CRTC3: variants seen among roughly 807,000 people sequenced by gnomAD.
CRTC3 encodes CREB-regulated transcription coactivator 3.
CRTC3 carries 26 observed loss-of-function variants against 74.5 expected under a neutral mutation model. That is an observed-to-expected ratio of 0.35 (90% CI 0.26 to 0.48). The LOEUF (loss-of-function observed/expected upper bound fraction) is 0.48, where lower values mean the gene tolerates loss of function less well. Among genes scored for constraint, CRTC3 ranks in the 20% least tolerant of loss-of-function variants. The pLI is 0.99. For missense variants in CRTC3, 760 were observed against 787.3 expected, an observed-to-expected ratio of 0.97 and a Z score of 0.41; for synonymous variants, 377 against 325.8, an observed-to-expected ratio of 1.16 and a Z score of -1.69.
intron 2 of CRTC3, among the ~76,000 whole-genome samples, chr15:90,587,145 G>A (rs1184919359): frequency 1.3e-5 from 2 of 152,174 alleles, no homozygotes; most frequent in Non-Finnish European, 2.9e-5. Context: ...CCTAGGTGAC[G>A]AAATCTAGTT....
At chr15:90,638,284 A>T (rs912842871) in intron 11 of CRTC3, 162 bp from the exon 12 acceptor site, 20 of 593,764 alleles carry the variant, frequency 3.4e-5, no homozygotes, top group Non-Finnish European at 5.7e-5. Flanking sequence ...AAAATTTGAG[A>T]TATACTTTGA....
At chr15:90,574,861 A>C (rs929788140) in intron 2 of CRTC3, among the ~76,000 whole-genome samples, 2 of 152,174 alleles carry the variant, frequency 1.3e-5, no homozygotes, top group Admixed American at 6.5e-5. Flanking sequence ...CAATCTGTTC[A>C]TATCTTTTGC....
chr15:90,627,988 C>CGG (rs1968900896), intron 10 of CRTC3, among the ~76,000 whole-genome samples: 2 of 149,722 alleles, frequency 1.3e-5, no homozygotes, highest in Admixed American at 6.6e-5. Context: ...GAGGCCGAGG[C>CGG]GAGTGGATCA....
chr15:90,546,866 A>G (rs879794004), intron 2 of CRTC3, among the ~76,000 whole-genome samples: 21 of 151,890 alleles, frequency 1.4e-4, no homozygotes, highest in African/African-American at 4.1e-4. Flanking sequence ...CTCGTGATCC[A>G]CCCGCCTCGG....
intron 1 of CRTC3, among the ~76,000 whole-genome samples, chr15:90,535,024 GGTGGCGA>G (rs1966694322): frequency 6.6e-6 from 1 of 152,094 alleles, no homozygotes; most frequent in Admixed American, 6.5e-5. Flanking sequence ...AGCCAGGCAT[GGTGGCGA>G]GTGCCTGTAA....
chr15:90,601,950 C>T (rs1488323488), intron 3 of CRTC3, among the ~76,000 whole-genome samples: 1 of 152,134 alleles, frequency 6.6e-6, no homozygotes, highest in South Asian at 2.1e-4. Flanking sequence ...GATCCCTGAG[C>T]CAAACACTGT....
At chr15:90,640,916 C>T in intron 13 of CRTC3, 181 bp from the exon 14 acceptor site, 1 of 591,028 alleles carries the variant, frequency 1.7e-6, no homozygotes, top group East Asian at 2.9e-5. Flanking sequence ...CCAGCGTCTG[C>T]CTGCCTGACA....
intron 11 of CRTC3, among the ~76,000 whole-genome samples, chr15:90,637,576 C>A (rs1969287229): frequency 6.6e-6 from 1 of 152,144 alleles, no homozygotes. Context: ...AAAGAAATTT[C>A]TTCTAAACCC....
At chr15:90,572,515 C>G (rs1221263920) in intron 2 of CRTC3, among the ~76,000 whole-genome samples, 2 of 152,194 alleles carry the variant, frequency 1.3e-5, no homozygotes, top group African/African-American at 4.8e-5. Context: ...TCAATTTCTA[C>G]TCTCACCAAC....
At chr15:90,635,478 C>T (rs997485123) in intron 11 of CRTC3, among the ~76,000 whole-genome samples, 6 of 152,110 alleles carry the variant, frequency 3.9e-5, no homozygotes, top group Admixed American at 2.0e-4. Context: ...AACCCCGTCT[C>T]TACTAAAAAT....
chr15:90,575,655 C>T (rs1967387019), intron 2 of CRTC3, among the ~76,000 whole-genome samples: 1 of 152,142 alleles, frequency 6.6e-6, no homozygotes, highest in East Asian at 1.9e-4. Context: ...ACTTCCTATT[C>T]TCTTTTATTA....
chr15:90,635,074 A>G, intron 11 of CRTC3: 5 of 788,652 alleles, frequency 6.3e-6, no homozygotes, highest in Non-Finnish European at 1.1e-5. Context: ...GAAGCTGCCC[A>G]TTCCACTGAA....
chr15:90,572,685 C>T (rs933191648), intron 2 of CRTC3, among the ~76,000 whole-genome samples: 7 of 152,156 alleles, frequency 4.6e-5, no homozygotes, highest in African/African-American at 1.7e-4. Flanking sequence ...AAGCAGTTCT[C>T]CTGCCTCAGC....
intron 6 of CRTC3, 97 bp from the exon 7 acceptor site, chr15:90,614,356 C>A: frequency 1.1e-6 from 1 of 884,390 alleles, no homozygotes; most frequent in South Asian, 1.7e-5. Flanking sequence ...TTTCAAAATT[C>A]TATTTCAAAT....
At chr15:90,603,944 A>T (rs1047343566) in intron 4 of CRTC3, among the ~76,000 whole-genome samples, 7 of 152,142 alleles carry the variant, frequency 4.6e-5, no homozygotes, top group African/African-American at 1.7e-4. Context: ...TTTTTCTTTT[A>T]TGTATCCAAG....
rs143602963 is a variant in CRTC3 at position 90,563,631 on chromosome 15, T to G, written c.231+23494T>G. 2.1e-3 allele frequency among the ~76,000 whole-genome samples: 318 copies of G among 152,284 alleles called. 1 individual carries two copies. Among genetic ancestry groups the G allele is most frequent in the Non-Finnish European group, 3.4e-3 (229 of 68,022 alleles). On this transcript the variant is annotated intron_variant, in intron 2 of 14. Transcript: ENST00000268184. ...CTTGCCCTGGCAGAGGCATCAGAAC[T>G]GTTAGAACCACAATGGACTGTGCAG...
At chr15:90,613,283 T>C (rs989438837) in intron 6 of CRTC3, among the ~76,000 whole-genome samples, 5 of 152,172 alleles carry the variant, frequency 3.3e-5, no homozygotes, top group African/African-American at 1.2e-4. Context: ...ATCTGCATTT[T>C]AGCAGGCTCA....
In CRTC3 at chr15:90,636,724, C is replaced by G. The variant is rs1378527034; in HGVS notation, c.1267-1722C>G. Among the ~76,000 whole-genome samples the G allele has an allele frequency of 2.6e-5, 4 of 152,012 alleles. No individual in the cohort carries two copies. The East Asian group carries it at 7.7e-4, about 29-fold the overall frequency. Reference sequence around the variant, plus strand: ...ATTTACAAGAAAAAAACAAACAACCCCATCAAAAAGTGGGCGAAGGATATG... The same window carrying G: ...ATTTACAAGAAAAAAACAAACAACCGCATCAAAAAGTGGGCGAAGGATATG... On this transcript the variant is annotated intron_variant, in intron 11 of 14. Transcript: ENST00000268184.
At position 90,643,213 on chromosome 15, in the gene CRTC3, C is replaced by A. The variant is rs948123623; in HGVS notation, c.*1073C>A. On this transcript the variant is annotated 3_prime_UTR_variant, in exon 15 of 15. Coordinates refer to ENST00000268184, the MANE Select transcript of CRTC3 (RefSeq NM_022769.5). ...GAGTGCTGCAGAACCGTGCGTGCAG[C>A]GCATGATGAATGAGTGCGTCCGCCA... 1 of 232,452 alleles carries A rather than the reference C, an allele frequency of 4.3e-6. No homozygotes were observed. Among genetic ancestry groups the A allele is most frequent in the East Asian group, 6.0e-5 (1 of 16,532 alleles). 14.4% of individuals were successfully genotyped at this position (232,452 alleles called of 1,614,324 possible).
Sources: allele counts gnomAD v4.1 joint callset (sites outside exome capture counted in the v4.1 genomes callset), GRCh38; gene constraint gnomAD v4.1.1; transcripts MANE v1.5; gene names NCBI Gene and HGNC (gene_info 2026-07-23, HGNC 2026-07-21).